Variants in CPVL observed in about 807,000 individuals in gnomAD.
CPVL encodes carboxypeptidase vitellogenic like.
CPVL carries 51 observed loss-of-function variants against 63.7 expected under a neutral mutation model. The observed-to-expected ratio is 0.80, with a 90% CI of 0.64 to 1.01. The LOEUF (loss-of-function observed/expected upper bound fraction) is 1.01, where lower values mean the gene tolerates loss of function less well. CPVL is among the 50% of genes least tolerant of loss of function. The probability of loss-of-function intolerance (pLI) is 0.00; values close to 1 mark genes in which losing one functional copy is unlikely to be tolerated. For synonymous variants in CPVL, 195 were observed against 206.0 expected, an observed-to-expected ratio of 0.95 and a Z score of 0.46; for missense variants, 530 against 573.1, an observed-to-expected ratio of 0.92 and a Z score of 0.77.
intron 11 of CPVL, among the ~76,000 whole-genome samples, chr7:29,053,903 A>AG (rs930289903): frequency 2.6e-5 from 4 of 151,806 alleles, no homozygotes; most frequent in African/African-American, 9.6e-5. Flanking sequence ...AAAAAAAAAA[A>AG]AAGAAAGAAA....
intron 11 of CPVL, among the ~76,000 whole-genome samples, chr7:29,047,727 T>G (rs317704): frequency 0.83 from 126,553 of 152,094 alleles, 53,377 homozygotes; most frequent in African/African-American, 0.95. Context: ...CATCACCTAG[T>G]CACATTGTCC....
intron 12 of CPVL, among the ~76,000 whole-genome samples, chr7:29,022,261 C>T (rs951992187): frequency 6.6e-6 from 1 of 152,174 alleles, no homozygotes; most frequent in African/African-American, 2.4e-5. Context: ...CTGCTTGCCA[C>T]CAGGAGACCT....
chr7:29,148,784 G>C (rs1448701717), upstream of CPVL: 1 of 152,194 alleles, frequency 6.6e-6, no homozygotes, highest in South Asian at 2.1e-4. Context: ...TTGTGGGGAA[G>C]GGATGAAGGG....
intron 12 of CPVL, among the ~76,000 whole-genome samples, chr7:29,003,052 T>C (rs1460105329): frequency 1.5e-5 from 2 of 130,842 alleles, no homozygotes; most frequent in Non-Finnish European, 1.6e-5. Context: ...TTTGAGAAGC[T>C]CTATGAATCC....
intron 1 of CPVL, among the ~76,000 whole-genome samples, chr7:29,191,186 C>G (rs752454663): frequency 1.3e-5 from 2 of 152,186 alleles, no homozygotes; most frequent in African/African-American, 4.8e-5. Flanking sequence ...CCCACCTCAA[C>G]TTACTGAGTC....
intron 1 of CPVL, among the ~76,000 whole-genome samples, chr7:29,132,120 A>G (rs1397390487): frequency 6.6e-6 from 1 of 152,134 alleles, no homozygotes; most frequent in Non-Finnish European, 1.5e-5. Flanking sequence ...GTGGTCAGGG[A>G]AGGCCCCCCT....
At chr7:29,016,293 G>A (rs1202672312) in intron 12 of CPVL, among the ~76,000 whole-genome samples, 1 of 151,618 alleles carries the variant, frequency 6.6e-6, no homozygotes, top group Non-Finnish European at 1.5e-5. Context: ...GGAGGTTACA[G>A]TGAGCCAAGA....
chr7:29,002,879 AAAG>A (rs1212298478), intron 12 of CPVL, among the ~76,000 whole-genome samples: 3 of 151,202 alleles, frequency 2.0e-5, no homozygotes, highest in East Asian at 3.9e-4. Flanking sequence ...AAAAAAAAAA[AAAG>A]AAGAAGAAGA....
intron 1 of CPVL, among the ~76,000 whole-genome samples, chr7:29,132,191 C>T (rs1367476245): frequency 2.6e-5 from 4 of 152,064 alleles, no homozygotes; most frequent in Admixed American, 2.6e-4. Flanking sequence ...GAAGAGAGTT[C>T]CTGGCAGGAG....
At chr7:28,996,500 C>G (rs1784072921) in intron 12 of CPVL, among the ~76,000 whole-genome samples, 2 of 150,346 alleles carry the variant, frequency 1.3e-5, no homozygotes, top group African/African-American at 2.4e-5. Context: ...TGCACTCCAG[C>G]CTGGTTGACA....
intron 3 of CPVL, among the ~76,000 whole-genome samples, chr7:29,108,545 C>A (rs1787945397): frequency 6.6e-6 from 1 of 152,084 alleles, no homozygotes; most frequent in Non-Finnish European, 1.5e-5. Flanking sequence ...TCATCTGTAA[C>A]CTCTCAAATT....
At chr7:29,023,328 C>T (rs145550868) in intron 12 of CPVL, among the ~76,000 whole-genome samples, 1 of 152,226 alleles carries the variant, frequency 6.6e-6, no homozygotes, top group Non-Finnish European at 1.5e-5. Context: ...AAAGGCCCAT[C>T]TTATAGGGCA....
Position 29,123,201 on chromosome 7 carries a change from A to T in CPVL, c.-10-2130T>A, listed in dbSNP as rs80258532. On this transcript the variant is annotated intron_variant, in intron 1 of 12. Coordinates refer to ENST00000265394, the MANE Select transcript of CPVL (RefSeq NM_031311.5). ...CATGCTTATTACAACCCAATTTGGC[A>T]TAACATGAAAATATTGGTTATAGCA... is the stretch of plus-strand genomic sequence containing the variant. Among the ~76,000 whole-genome samples the T allele has an allele frequency of 1.8e-3, 276 of 152,320 alleles. 1 individual carries two copies. The highest frequency in any genetic ancestry group is 0.016 in the East Asian group (83 of 5,184).
At chr7:29,176,278 A>G (rs1449303357) in intron 5 of CPVL, among the ~76,000 whole-genome samples, 2 of 152,172 alleles carry the variant, frequency 1.3e-5, no homozygotes, top group African/African-American at 4.8e-5. Context: ...GAAGGCCAAT[A>G]GGTCCTGAGC....
chr7:29,133,377 G>A (rs10264736), intron 1 of CPVL, among the ~76,000 whole-genome samples: 9,976 of 152,194 alleles, frequency 0.066, 375 homozygotes, highest in Admixed American at 0.088. Context: ...TCGATGCCTT[G>A]CCTTCTGTAA....
Position 29,040,008 on chromosome 7 carries a change from A to G in CPVL, c.1138-9249T>C, listed in dbSNP as rs536188660. 7.9e-5 allele frequency among the ~76,000 whole-genome samples: 12 copies of G among 152,290 alleles called. No homozygotes were observed. In the South Asian group the frequency reaches 2.3e-3, roughly 29 times the overall value. On this transcript the variant is annotated intron_variant, in intron 11 of 12. Coordinates refer to ENST00000265394, the MANE Select transcript of CPVL (RefSeq NM_031311.5). Reference sequence around the variant, plus strand: ...ATTGAACAGCAGCCTAAGCTATTCCAGGCTGCACAGCATTCCCAGTTGGCC... The same window carrying G: ...ATTGAACAGCAGCCTAAGCTATTCCGGGCTGCACAGCATTCCCAGTTGGCC...
intron 11 of CPVL, among the ~76,000 whole-genome samples, chr7:29,034,661 T>TTTAA (rs1788346274): frequency 6.6e-6 from 1 of 151,996 alleles, no homozygotes; most frequent in Non-Finnish European, 1.5e-5. Context: ...CTTTAAAAAG[T>TTTAA]TTAATTAATT....
intron 6 of CPVL, among the ~76,000 whole-genome samples, chr7:29,089,924 G>A (rs1785602767): frequency 6.6e-6 from 1 of 151,112 alleles, no homozygotes; most frequent in Non-Finnish European, 1.5e-5. Context: ...GTGCAGTGGT[G>A]TGATCTCGGC....
chr7:29,120,849 T>C (rs1420641177), intron 2 of CPVL, 44 bp downstream of exon 2: 2 of 1,509,954 alleles, frequency 1.3e-6, no homozygotes, highest in East Asian at 4.5e-5. Context: ...GAGAAACTGT[T>C]GAACTCATGC....
Sources: gnomAD v4.1 joint callset for allele counts (sites outside exome capture counted in the v4.1 genomes callset) on GRCh38, gnomAD v4.1.1 for gene constraint, MANE v1.5 for transcripts, NCBI Gene and HGNC (gene_info 2026-07-23, HGNC 2026-07-21) for gene names.